The following ABCD3 variants were observed in gnomAD, a reference collection of about 807,000 sequenced individuals.
The protein encoded by ABCD3 is ATP-binding cassette sub-family D member 3.
Under a neutral mutation model 105.5 loss-of-function variants are expected in ABCD3, and 41 were observed. The observed-to-expected ratio is 0.39, with a 90% CI of 0.30 to 0.50. ABCD3 has a LOEUF of 0.50. ABCD3 is among the 20% of genes least tolerant of loss of function. The pLI is 0.84. For missense variants in ABCD3, 622 were observed against 806.3 expected (o/e 0.77, Z 2.77); for synonymous variants, 258 against 269.0 (o/e 0.96, Z 0.40).
At chr1:94,418,820 T>C (rs1025235956) in intron 1 of ABCD3, 19 of 563,834 alleles carry the variant, frequency 3.4e-5, no homozygotes, top group East Asian at 6.2e-5. Flanking sequence ...GAGTGCGAAT[T>C]CTTCTGTGCC....
In ABCD3 at chr1:94,418,553, G is replaced by C; in HGVS notation, c.75G>C (p.Leu25=). The part of the protein sequence containing the change: ...LAGAAFLLLC[L]LHKRRRALGL... Reference sequence around the variant, plus strand: ...GTGCCGCGTTCCTGCTGCTCTGCCTGCTCCACAAGCGGCGCCGCGCCCTCG... The same window carrying C: ...GTGCCGCGTTCCTGCTGCTCTGCCTCCTCCACAAGCGGCGCCGCGCCCTCG... Residue 25 remains leucine, a synonymous_variant, in exon 1 of 23, where the codon CTG becomes CTC. Transcript: ENST00000370214. 1 of 1,604,078 alleles carries C rather than the reference G, an allele frequency of 6.2e-7. No individual in the cohort carries two copies.
upstream of ABCD3, chr1:94,418,382 C>G: frequency 1.8e-6 from 2 of 1,126,098 alleles, no homozygotes; most frequent in South Asian, 2.7e-5. Flanking sequence ...CCGCCCTCTG[C>G]TCTCCTCCCA....
intron 1 of ABCD3, among the ~76,000 whole-genome samples, chr1:94,423,974 A>G (rs1659369105): frequency 6.6e-6 from 1 of 152,178 alleles, no homozygotes; most frequent in South Asian, 2.1e-4. Flanking sequence ...GCAAGCATGA[A>G]TCATGTGAGG....
intron 9 of ABCD3, chr1:94,481,401 TG>T (rs925567067): frequency 2.0e-5 from 3 of 152,244 alleles, no homozygotes; most frequent in African/African-American, 7.2e-5. Context: ...TAGGGTTTTT[TG>T]CTCTAGGGAG....
intron 2 of ABCD3, among the ~76,000 whole-genome samples, chr1:94,463,283 A>G (rs1369297513): frequency 1.3e-5 from 2 of 152,158 alleles, no homozygotes; most frequent in African/African-American, 4.8e-5. Context: ...CCCTATAAAC[A>G]CAGTGCCTTC....
intron 20 of ABCD3, among the ~76,000 whole-genome samples, chr1:94,502,182 A>T (rs1650129806): frequency 6.6e-6 from 1 of 152,306 alleles, no homozygotes; most frequent in South Asian, 2.1e-4. Context: ...GAGCACAGCT[A>T]AAAAACATCA....
At chr1:94,475,467 CAGTT>C (rs1027791670) in intron 6 of ABCD3, 143 bp from the exon 7 acceptor site, 10 of 846,958 alleles carry the variant, frequency 1.2e-5, no homozygotes, top group African/African-American at 5.2e-5. Flanking sequence ...CTCTAAAAAT[CAGTT>C]AGGGCAATCA....
the ABCD3 span, among the ~76,000 whole-genome samples, chr1:94,393,467 C>T: frequency 2.6e-5 from 4 of 151,772 alleles, no homozygotes; most frequent in Admixed American, 6.6e-5. Flanking sequence ...GGTAAAACCC[C>T]GTCTCGACTA....
chr1:94,487,954 G>C lies in ABCD3; in HGVS notation c.1128G>C (p.Leu376Phe). The C allele has an allele frequency of 6.2e-7, 1 of 1,613,726 alleles. No individual in the cohort carries two copies. Among genetic ancestry groups the C allele is most frequent in the Middle Eastern group, 1.6e-4 (1 of 6,062 alleles). Residue 376 changes from leucine (L) to phenylalanine (F), a missense_variant, in exon 13 of 23, where the codon TTG becomes TTC. Leu to Phe is a conservative substitution (Grantham distance 22). This residue lies in a region of ABCD3 where 285 missense variants were observed against 352.5 expected (regional missense o/e 0.81). Transcript: ENST00000370214. ...RMSQALGRIV[L>F]AGREMTRLAG... ...CTCAAGCTCTGGGTCGAATAGTTTTGGCTGGGCGTGAAATGACTAGATTGG... is the reference window on the plus strand; with the variant it reads ...CTCAAGCTCTGGGTCGAATAGTTTTCGCTGGGCGTGAAATGACTAGATTGG...
At chr1:94,446,666 C>T (rs1000728285) in intron 1 of ABCD3, among the ~76,000 whole-genome samples, 3 of 152,092 alleles carry the variant, frequency 2.0e-5, no homozygotes, top group Non-Finnish European at 4.4e-5. Flanking sequence ...AATAACTATT[C>T]AGGGAAAGAA....
In ABCD3 at chr1:94,517,240, CAA is replaced by C. The variant is rs1650961150; in HGVS notation, c.*113_*114del. On this transcript the variant is annotated 3_prime_UTR_variant, in exon 23 of 23. Coordinates refer to ENST00000370214, the MANE Select transcript of ABCD3 (RefSeq NM_002858.4). ...GCTTAGTTTTTTTTAAAAAAAAAAA[CAA>C]AGCAACAAATTAACTAGATACAGAA... is the stretch of plus-strand genomic sequence containing the variant. 1.3e-6 allele frequency: 1 copy of C among 793,804 alleles called. No individual in the cohort carries two copies. Among genetic ancestry groups the C allele is most frequent in the African/African-American group, 1.8e-5 (1 of 56,140 alleles). The allele number at this position is 793,804 out of a possible 1,614,324, so 49.2% of individuals were successfully genotyped here. A position where few individuals can be genotyped will look rare whatever the true frequency, so the allele number is the denominator to read the frequency against.
chr1:94,431,827 A>G (rs539325339), intron 1 of ABCD3, among the ~76,000 whole-genome samples: 54 of 152,288 alleles, frequency 3.5e-4, no homozygotes, highest in Middle Eastern at 3.4e-3. Flanking sequence ...TTTACCTGTG[A>G]ATACAGTTAT....
chr1:94,495,593 T>A (rs1483945736), intron 16 of ABCD3, among the ~76,000 whole-genome samples: 1 of 152,180 alleles, frequency 6.6e-6, no homozygotes, highest in East Asian at 1.9e-4. Context: ...AAAGGATAAC[T>A]CAGGATTTCA....
chr1:94,483,728 C>T (rs1649145927), intron 10 of ABCD3, among the ~76,000 whole-genome samples: 1 of 152,040 alleles, frequency 6.6e-6, no homozygotes, highest in Non-Finnish European at 1.5e-5. Flanking sequence ...AGGACATAGG[C>T]ATGGGCAAGG....
At position 94,473,779 on chromosome 1, in the gene ABCD3, C is replaced by T. The variant is rs1474614063; in HGVS notation, c.349C>T (p.Arg117Cys). The T allele has an allele frequency of 9.3e-6, 15 of 1,612,212 alleles. No individual in the cohort carries two copies. Among genetic ancestry groups the T allele is most frequent in the East Asian group, 2.2e-5 (1 of 44,790 alleles). ...GTLIESGIIGRSRKDFKRYLL... is the reference protein window; with the variant it reads ...GTLIESGIIGCSRKDFKRYLL... The stretch of plus-strand genomic sequence containing the variant: ...GGTGGTTTGCAGTGGTATCATTGGT[C>T]GTAGCAGGAAAGATTTCAAGAGATA... Residue 117 changes from arginine to cysteine, a missense_variant, in exon 5 of 23, where the codon CGT (arginine) becomes TGT (cysteine). By Grantham distance (180) the Arg-to-Cys change is radical. Around this residue, in one of 4 missense-constraint regions of ABCD3, gnomAD observed 245 missense variants for 356.4 expected, o/e 0.69. Transcript: ENST00000370214.
At chr1:94,386,141 A>G in the ABCD3 span, among the ~76,000 whole-genome samples, 6 of 152,160 alleles carry the variant, frequency 3.9e-5, no homozygotes, top group Non-Finnish European at 8.8e-5. Context: ...CCAAAGCCAC[A>G]TTTCCCTTCA....
chr1:94,404,368 A>G, the ABCD3 span, among the ~76,000 whole-genome samples: 1 of 152,344 alleles, frequency 6.6e-6, no homozygotes, highest in East Asian at 1.9e-4. Context: ...GTATAGTCAA[A>G]TATTATGTTC....
At chr1:94,438,341 CACAA>C (rs1659994784) in intron 1 of ABCD3, among the ~76,000 whole-genome samples, 1 of 145,058 alleles carries the variant, frequency 6.9e-6, no homozygotes, top group African/African-American at 2.6e-5. Flanking sequence ...CACACACACA[CACAA>C]ACTTGAAAGG....
chr1:94,483,822 A>T (rs1649149413), intron 10 of ABCD3, among the ~76,000 whole-genome samples: 1 of 152,214 alleles, frequency 6.6e-6, no homozygotes, highest in Non-Finnish European at 1.5e-5. Flanking sequence ...GAGCTTCTGC[A>T]CAGCAAAAGA....
Sources: gnomAD v4.1 joint callset for allele counts (sites outside exome capture counted in the v4.1 genomes callset) on GRCh38, gnomAD v4.1.1 for gene constraint, gnomAD v4.1.1 regional missense constraint, MANE v1.5 for transcripts, NCBI Gene and HGNC (gene_info 2026-07-23, HGNC 2026-07-21) for gene names.